The following SPTBN5 variants were observed in gnomAD, a reference collection of about 807,000 sequenced individuals.
SPTBN5 encodes the protein spectrin beta chain, non-erythrocytic 5.
Under a neutral mutation model 477.6 loss-of-function variants are expected in SPTBN5, and 513 were observed. The observed-to-expected ratio is 1.07, with a 90% CI of 1.00 to 1.16. The LOEUF is 1.16. Ranked by LOEUF, SPTBN5 falls within the 50% of genes most tolerant of loss-of-function variation. SPTBN5 has a pLI of 0.00. For synonymous variants in SPTBN5, 2,169 were observed against 2,011.7 expected (o/e 1.08, Z -2.09); for missense variants, 5,062 against 4,731.8 (o/e 1.07, Z -2.05).
At chr15:41,880,613 G>A (rs1446287207) in intron 13 of SPTBN5, among the ~76,000 whole-genome samples, 5 of 152,066 alleles carry the variant, frequency 3.3e-5, no homozygotes, top group Admixed American at 6.5e-5. Flanking sequence ...AATCCACGCC[G>A]CTCCCTCTGC....
intron 47 of SPTBN5, among the ~76,000 whole-genome samples, chr15:41,860,259 G>A (rs1381039048): frequency 6.6e-6 from 1 of 152,238 alleles, no homozygotes; most frequent in Non-Finnish European, 1.5e-5. Context: ...ACCCTGGAAG[G>A]CCGATGCTTG....
Position 41,851,370 on chromosome 15 carries a change from C to T in SPTBN5, c.10657-1G>A. The T allele has an allele frequency of 1.3e-6, 2 of 1,550,560 alleles. No homozygotes were observed. The highest frequency in any genetic ancestry group is 8.7e-7 in the Non-Finnish European group (1 of 1,146,756). On this transcript the variant is annotated splice_acceptor_variant, in intron 63 of 67. Transcript: ENST00000320955. LOFTEE classifies it high-confidence loss of function. ...AGCTGTCCCAGGAGCTCGAGCTAGG[C>T]TGTGGAGAGGAGGCGGGAAGGTCGC... is the stretch of plus-strand genomic sequence containing the variant.
intron 62 of SPTBN5, 42 bp downstream of exon 62, chr15:41,852,140 A>G (rs1414745836): frequency 1.9e-6 from 3 of 1,538,540 alleles, no homozygotes; most frequent in South Asian, 1.2e-5. Flanking sequence ...TGCTTCAGGG[A>G]GACCACGGCG....
Position 41,860,700 on chromosome 15 carries a change from A to G in SPTBN5, c.7874T>C (p.Leu2625Pro). The G allele has an allele frequency of 6.3e-7, 1 of 1,598,950 alleles. No homozygotes were observed. The highest frequency in any genetic ancestry group is 8.5e-7 in the Non-Finnish European group (1 of 1,173,544). ...LWKHKMLEWDLEVQAGKISAL... is the reference protein window; with the variant it reads ...LWKHKMLEWDPEVQAGKISAL... ...ACTGATCTTTCCCGCCTGCACCTCCAGGTCCCACTCCAGCATCTTGTGCTT... is the reference window on the plus strand; with the variant it reads ...ACTGATCTTTCCCGCCTGCACCTCCGGGTCCCACTCCAGCATCTTGTGCTT... Residue 2625 changes from leucine to proline, a missense_variant, in exon 47 of 68, where the codon CTG becomes CCG. By Grantham distance (98) the Leu-to-Pro change is moderately conservative. Transcript: ENST00000320955.
intron 59 of SPTBN5, 80 bp downstream of exon 59, chr15:41,853,178 T>G (rs916896975): frequency 6.6e-7 from 1 of 1,517,634 alleles, no homozygotes; most frequent in African/African-American, 1.4e-5. Context: ...CTGGTTTCCA[T>G]GCCTGTGAGG....
chr15:41,858,990 G>GGA lies in SPTBN5; in HGVS notation c.7989-12_7989-11dup, dbSNP rs1431242375. ...GAAGAGCGCCTCCTTCCTGCCAGGA[G>GGA]GAGAGGCTCATGGGCCTGGAGCCAC... On this transcript the variant is annotated splice_polypyrimidine_tract_variant and intron_variant, in intron 47 of 67. Transcript: ENST00000320955. 1 of 1,533,258 alleles carries GGA rather than the reference G, an allele frequency of 6.5e-7. No individual in the cohort carries two copies. The highest frequency in any genetic ancestry group is 2.3e-5 in the East Asian group (1 of 42,842). 95.0% of individuals were successfully genotyped at this position (1,533,258 alleles called of 1,614,324 possible).
Position 41,852,948 on chromosome 15 carries a change from GCCT to G in SPTBN5, c.10220_10222del (p.Glu3407del), listed in dbSNP as rs776561047. 7.0e-6 allele frequency: 11 copies of G among 1,576,714 alleles called. No homozygotes were observed. The highest frequency in any genetic ancestry group is 2.3e-5 in the East Asian group (1 of 42,704). On this transcript the variant is annotated inframe_deletion, in exon 60 of 68. Transcript: ENST00000320955. ...ACAGCGTTGCCAGCGCAGGGCCCAA[GCCT>G]CCTCCAGCTCCTGCAGCCGCCCTTC... is the stretch of plus-strand genomic sequence containing the variant.
At position 41,882,479 on chromosome 15, in the gene SPTBN5, G is replaced by A. The variant is rs767223167; in HGVS notation, c.2047-10C>T. The A allele has an allele frequency of 1.5e-5, 23 of 1,557,886 alleles. No homozygotes were observed. The African/African-American group carries it at 2.7e-4, about 18-fold the overall frequency. On this transcript the variant is annotated splice_polypyrimidine_tract_variant and intron_variant, in intron 10 of 67. Transcript: ENST00000320955. ...CCTCAGCTTCCAGGGCCTAGCGGGG[G>A]GCAGAGCAGGGGGCTCAGTGAAGGC...
chr15:41,853,214 C>A, intron 59 of SPTBN5, 44 bp downstream of exon 59: 1 of 1,551,366 alleles, frequency 6.4e-7, no homozygotes. Context: ...GGCAATCAGG[C>A]TGTATCCCCA....
At chr15:41,866,613 G>T in intron 36 of SPTBN5, 120 bp from the exon 37 acceptor site, 1 of 1,172,344 alleles carries the variant, frequency 8.5e-7, no homozygotes, top group South Asian at 1.9e-5. Flanking sequence ...GCAGCACCTG[G>T]TAAATGAGCC....
chr15:41,862,352 C>G (rs1290327559), intron 43 of SPTBN5, 60 bp from the exon 44 acceptor site: 1 of 1,541,862 alleles, frequency 6.5e-7, no homozygotes, highest in Non-Finnish European at 8.7e-7. Flanking sequence ...CCCATGCCCA[C>G]TGGTGTCTTC....
At chr15:41,870,788 G>C (rs1189038491) in intron 29 of SPTBN5, among the ~76,000 whole-genome samples, 1 of 152,196 alleles carries the variant, frequency 6.6e-6, no homozygotes, top group Non-Finnish European at 1.5e-5. Context: ...TGTAATGCTC[G>C]GCACTGCATG....
chr15:41,887,857 G>T, intron 5 of SPTBN5, 71 bp downstream of exon 5: 1 of 1,470,376 alleles, frequency 6.8e-7, no homozygotes, highest in Non-Finnish European at 9.2e-7. Context: ...GAGAACGGGT[G>T]GGCTGAGGAC....
intron 29 of SPTBN5, 98 bp downstream of exon 29, chr15:41,871,277 G>T: frequency 7.8e-7 from 1 of 1,287,310 alleles, no homozygotes; most frequent in South Asian, 2.4e-5. Flanking sequence ...GGGCCAGTGT[G>T]GCCCTCACAG....
In SPTBN5 at chr15:41,851,515, G is replaced by A. The variant is rs1467963753; in HGVS notation, c.10657-146C>T. The A allele has an allele frequency of 4.7e-6, 3 of 632,962 alleles. No individual in the cohort carries two copies. In the African/African-American group the frequency reaches 5.6e-5, roughly 12 times the overall value. 39.2% of individuals were successfully genotyped at this position (632,962 alleles called of 1,614,324 possible). A position where few individuals can be genotyped will look rare whatever the true frequency, so the allele number is the denominator to read the frequency against. Reference sequence around the variant, plus strand: ...CCAATGGGGAAAGGGAAGCCACAGAGGGGCTCTGACGGGAAACCAAGCAGA... The same window carrying A: ...CCAATGGGGAAAGGGAAGCCACAGAAGGGCTCTGACGGGAAACCAAGCAGA... On this transcript the variant is annotated intron_variant, in intron 63 of 67. Coordinates refer to ENST00000320955, the MANE Select transcript of SPTBN5 (RefSeq NM_016642.4).
chr15:41,883,307 C>A, intron 8 of SPTBN5, 41 bp downstream of exon 8: 1 of 1,609,772 alleles, frequency 6.2e-7, no homozygotes, highest in Non-Finnish European at 8.5e-7. Context: ...AAGTCCCCCA[C>A]CTTGCTGTGT....
rs780543339 is a variant in SPTBN5 at position 41,876,188 on chromosome 15, G to A, written c.4048C>T (p.Gln1350Ter). 10 of 1,606,250 alleles carry A rather than the reference G, an allele frequency of 6.2e-6. No homozygotes were observed. The Admixed American group carries it at 1.7e-4, about 27-fold the overall frequency. ...GCTGCTTCGTGCCGCTTGAGTGTCT[G>A]CAGGATGTTTCTGCGCGCTCCGGAG... ...EPSGARRNIL[Q>*]TLKRHEAAES... is the part of the protein sequence containing the mutation. The change falls in exon 21 of 68, where the codon CAG becomes TAG. Residue 1350 changes from glutamine to a stop codon, truncating the protein, a stop_gained. Transcript: ENST00000320955. LOFTEE classifies it high-confidence loss of function.
chr15:41,869,890 C>A lies in SPTBN5; in HGVS notation c.5804G>T (p.Arg1935Leu), dbSNP rs774502155. 4 of 1,556,744 alleles carry A rather than the reference C, an allele frequency of 2.6e-6. No homozygotes were observed. Among genetic ancestry groups the A allele is most frequent in the African/African-American group, 1.4e-5 (1 of 73,306 alleles). ...GCGTGCCCGCTCCAGCTGGGCCCTG[C>A]GCTGCTCCATGCGTCGCTGCAGCAC... ...WAVLQRRMEQRRAQLERARLL... is the reference protein window; with the variant it reads ...WAVLQRRMEQLRAQLERARLL... Residue 1935 changes from arginine to leucine, a missense_variant, in exon 32 of 68, where the codon CGC becomes CTC. Arg to Leu is a moderately radical substitution (Grantham distance 102, BLOSUM62 -2). Coordinates refer to ENST00000320955, the MANE Select transcript of SPTBN5 (RefSeq NM_016642.4).
chr15:41,856,675 G>A (rs530771339), intron 52 of SPTBN5, 77 bp from the exon 53 acceptor site: 49 of 1,424,098 alleles, frequency 3.4e-5, no homozygotes, highest in South Asian at 1.8e-4. Flanking sequence ...GAAGTTTCAC[G>A]GGACCCCACT....
Sources: allele counts gnomAD v4.1 joint callset (sites outside exome capture counted in the v4.1 genomes callset), GRCh38; gene constraint gnomAD v4.1.1; transcripts MANE v1.5; gene names NCBI Gene and HGNC (gene_info 2026-07-23, HGNC 2026-07-21).